The following C1QTNF2 variants were observed in gnomAD, a reference collection of about 807,000 sequenced individuals.
C1QTNF2 encodes the protein complement C1q tumor necrosis factor-related protein 2.
Under a neutral mutation model 17.4 loss-of-function variants are expected in C1QTNF2, and 15 were observed. That is an observed-to-expected ratio of 0.86 (90% CI 0.58 to 1.33). The LOEUF (loss-of-function observed/expected upper bound fraction) is 1.33. C1QTNF2 is among the 40% of genes most tolerant of loss of function. C1QTNF2 has a pLI of 0.00. For synonymous variants in C1QTNF2, 154 were observed against 163.3 expected, an observed-to-expected ratio of 0.94 and a Z score of 0.44; for missense variants, 381 against 392.3, an observed-to-expected ratio of 0.97 and a Z score of 0.24.
chr5:160,354,602 A>ATC lies in C1QTNF2; in HGVS notation c.244+165_244+166insGA, dbSNP rs1344311484. Among the ~76,000 whole-genome samples the ATC allele has an allele frequency of 6.8e-3, 125 of 18,498 alleles. 4 individuals are homozygous for ATC. Among genetic ancestry groups the ATC allele is most frequent in the African/African-American group, 0.019 (121 of 6,456 alleles). 12.1% of individuals were successfully genotyped at this position (18,498 alleles called of 152,430 possible). A position where few individuals can be genotyped will look rare whatever the true frequency, so the allele number is the denominator to read the frequency against. On this transcript the variant is annotated intron_variant, in intron 2 of 2. Transcript: ENST00000652664. Reference sequence around the variant, plus strand: ...TCAAGGGGAAAAAAAAAAAAAGTATATATATATATATATATATATATATAT... The same window carrying ATC: ...TCAAGGGGAAAAAAAAAAAAAGTATATCTATATATATATATATATATATATAT...
intron 2 of C1QTNF2, among the ~76,000 whole-genome samples, chr5:160,351,408 G>T (rs759219443): frequency 6.6e-6 from 1 of 152,152 alleles, no homozygotes; most frequent in African/African-American, 2.4e-5. Context: ...ATCCTAACAA[G>T]TTACTTTGTT....
chr5:160,349,628 C>A lies in C1QTNF2; in HGVS notation c.398G>T (p.Gly133Val). Reference protein sequence around the residue: ...PGKKGPKGKKGEPGLPGPCSC... With the variant: ...PGKKGPKGKKVEPGLPGPCSC... ...GCAGGGGCCTGGGAGGCCTGGCTCC[C>A]CCTTCTTGCCCTTGGGCCCCTTCTT... Residue 133 changes from glycine (G) to valine (V), a missense_variant, in exon 3 of 3, where the codon GGG becomes GTG. Transcript: ENST00000652664. The surrounding 1 kb of genome is among the most constrained non-coding windows in gnomAD (Gnocchi z 4.3). 6.2e-7 allele frequency: 1 copy of A among 1,613,810 alleles called. No homozygotes were observed. Among genetic ancestry groups the A allele is most frequent in the Non-Finnish European group, 8.5e-7 (1 of 1,179,990 alleles).
Position 160,349,844 on chromosome 5 carries a change from G to A in C1QTNF2, c.245-63C>T. 9 of 1,488,174 alleles carry A rather than the reference G, an allele frequency of 6.0e-6. No individual in the cohort carries two copies. The highest frequency in any genetic ancestry group is 8.0e-6 in the Non-Finnish European group (9 of 1,127,740). 92.2% of individuals were successfully genotyped at this position (1,488,174 alleles called of 1,614,324 possible). On this transcript the variant is annotated intron_variant, in intron 2 of 2. Coordinates refer to ENST00000652664, the MANE Select transcript of C1QTNF2 (RefSeq NM_031908.6). This position sits in a 1 kb window ranked among gnomAD's most constrained non-coding sequence, Gnocchi z 4.3. ...ACAGACCTAGGCAGAGGGGTGCGGT[G>A]CGGCTTGGTCTTCCAATCTTGGAGA...
chr5:160,356,407 G>C (rs780745951), intron 1 of C1QTNF2, among the ~76,000 whole-genome samples: 1 of 152,254 alleles, frequency 6.6e-6, no homozygotes, highest in African/African-American at 2.4e-5. Context: ...TTAGCACACA[G>C]GTTGTTGGGC....
At chr5:160,364,732 G>A (rs578160952) in intron 1 of C1QTNF2, among the ~76,000 whole-genome samples, 1 of 152,044 alleles carries the variant, frequency 6.6e-6, no homozygotes, top group African/African-American at 2.4e-5. Flanking sequence ...AGGGAGGCTG[G>A]GCCTTTTTTC....
At chr5:160,369,220 C>T (rs969963262) in intron 1 of C1QTNF2, among the ~76,000 whole-genome samples, 6 of 152,000 alleles carry the variant, frequency 3.9e-5, no homozygotes, top group South Asian at 2.1e-4. Flanking sequence ...TTGAACTGTT[C>T]GAATTTCTTG....
intron 1 of C1QTNF2, among the ~76,000 whole-genome samples, chr5:160,369,174 G>C (rs888099072): frequency 6.6e-6 from 1 of 152,156 alleles, no homozygotes; most frequent in African/African-American, 2.4e-5. Flanking sequence ...AATTGGGAGG[G>C]GGTGTGTGGG....
chr5:160,357,721 C>T (rs534430235), intron 1 of C1QTNF2, among the ~76,000 whole-genome samples: 2 of 152,100 alleles, frequency 1.3e-5, no homozygotes, highest in East Asian at 1.9e-4. Context: ...AGATGAGAAT[C>T]CTGCAAACAG....
intron 1 of C1QTNF2, among the ~76,000 whole-genome samples, chr5:160,369,508 G>C (rs1035219287): frequency 6.6e-6 from 1 of 152,074 alleles, no homozygotes; most frequent in Non-Finnish European, 1.5e-5. Flanking sequence ...TGCAGAGGGA[G>C]GGCAAAAATA....
intron 2 of C1QTNF2, among the ~76,000 whole-genome samples, chr5:160,354,167 T>C (rs574135955): frequency 4.2e-4 from 64 of 152,284 alleles, no homozygotes; most frequent in African/African-American, 1.3e-3. Context: ...TTCTGTCACT[T>C]GCAATTATCA....
rs569441182 is a variant in C1QTNF2, at chr5:160,350,213, G to A, written c.245-432C>T. Among the ~76,000 whole-genome samples the A allele has an allele frequency of 2.6e-5, 4 of 152,218 alleles. No individual in the cohort carries two copies. The South Asian group carries it at 6.2e-4, about 24-fold the overall frequency. ...TGCCCACGTGTACAAGGATTTTATTGCAGCATTGCTTATAATAGCAAAAAA... is the reference window on the plus strand; with the variant it reads ...TGCCCACGTGTACAAGGATTTTATTACAGCATTGCTTATAATAGCAAAAAA... On this transcript the variant is annotated intron_variant, in intron 2 of 2. Transcript: ENST00000652664.
intron 2 of C1QTNF2, among the ~76,000 whole-genome samples, chr5:160,353,014 A>T (rs1447263735): frequency 6.6e-6 from 1 of 152,154 alleles, no homozygotes; most frequent in Non-Finnish European, 1.5e-5. Context: ...AGATGAGGAA[A>T]CCATGGTTTG....
Position 160,349,129 on chromosome 5 carries a change from A to G in C1QTNF2, c.*39T>C, listed in dbSNP as rs560966237. On this transcript the variant is annotated 3_prime_UTR_variant, in exon 3 of 3. Transcript: ENST00000652664. This position sits in a 1 kb window ranked among gnomAD's most constrained non-coding sequence, Gnocchi z 4.3. ...GGTCTTGCTCTGTAAGCCCAAGTCC[A>G]GAAGCTTGTTCCCTGCCTGGAGGAC... The G allele has an allele frequency of 1.0e-5, 16 of 1,571,236 alleles. No individual in the cohort carries two copies. The South Asian group carries it at 1.8e-4, about 18-fold the overall frequency.
rs192247335 is a variant in C1QTNF2 at position 160,357,808 on chromosome 5, C to T, written c.-9-2788G>A. On this transcript the variant is annotated intron_variant, in intron 1 of 2. Transcript: ENST00000652664. ...GAGACTGGCAGAAAAGAGAGCCAGC[C>T]GGACGAGAGAGAGGGAGAGAGACTG... Among the ~76,000 whole-genome samples, 795 of 149,914 alleles carry T rather than the reference C, an allele frequency of 5.3e-3. 8 individuals carry two copies. The highest frequency in any genetic ancestry group is 0.018 in the African/African-American group (744 of 40,538).
At chr5:160,355,244 G>C (rs751224822) in intron 1 of C1QTNF2, 15 of 985,296 alleles carry the variant, frequency 1.5e-5, no homozygotes, top group Non-Finnish European at 1.7e-5. Context: ...ACACTTCGAA[G>C]GGGTCTCGGG....
chr5:160,363,658 G>A (rs1025872921), intron 1 of C1QTNF2, among the ~76,000 whole-genome samples: 3 of 152,128 alleles, frequency 2.0e-5, no homozygotes, highest in African/African-American at 4.8e-5. Flanking sequence ...GGTGTATAAC[G>A]TGGTGGGCAG....
chr5:160,354,731 C>T (rs1325223207), intron 2 of C1QTNF2, 37 bp downstream of exon 2: 52 of 1,611,632 alleles, frequency 3.2e-5, no homozygotes, highest in Non-Finnish European at 4.4e-5. Context: ...TGCTGTCAGC[C>T]AGGTGGGAAC....
chr5:160,354,892 G>T lies in C1QTNF2; in HGVS notation c.120C>A (p.Gly40=), dbSNP rs369324381. ...GSPQLVCSLP[G]PQGPPGPPGA... is the part of the protein sequence containing the mutation. ...CTGGGGGGCCGGGTGGGCCCTGGGGGCCAGGCAGGCTGCAGACCAGTTGAG... is the reference window on the plus strand; with the variant it reads ...CTGGGGGGCCGGGTGGGCCCTGGGGTCCAGGCAGGCTGCAGACCAGTTGAG... The change falls in exon 2 of 3, where the codon GGC becomes GGA. Residue 40 remains glycine, a synonymous_variant. Transcript: ENST00000652664. The T allele has an allele frequency of 5.0e-6, 8 of 1,604,628 alleles. No individual in the cohort carries two copies. The highest frequency in any genetic ancestry group is 6.0e-6 in the Non-Finnish European group (7 of 1,176,036).
At chr5:160,362,948 G>A (rs1490877405) in intron 1 of C1QTNF2, among the ~76,000 whole-genome samples, 2 of 152,214 alleles carry the variant, frequency 1.3e-5, no homozygotes, top group Non-Finnish European at 1.5e-5. Context: ...TACAAAATTA[G>A]AGTCGTATTT....
Sources: allele counts gnomAD v4.1 joint callset (sites outside exome capture counted in the v4.1 genomes callset), GRCh38; gene constraint gnomAD v4.1.1; non-coding constraint Gnocchi (gnomAD v3.1); transcripts MANE v1.5; gene names NCBI Gene and HGNC (gene_info 2026-07-23, HGNC 2026-07-21).